Variants in MCTP2 observed in about 807,000 individuals in gnomAD.
MCTP2 encodes the protein multiple C2 and transmembrane domain containing 2.
Under a neutral mutation model 111.6 loss-of-function variants are expected in MCTP2, and 132 were observed. That is an observed-to-expected ratio of 1.18 (90% CI 1.03 to 1.37). MCTP2 has a LOEUF of 1.37. Among genes scored for constraint, MCTP2 ranks in the 40% most tolerant of loss-of-function variants. The pLI, the probability that MCTP2 is intolerant of heterozygous loss-of-function variation, is 0.00. For synonymous variants in MCTP2, 395 were observed against 387.7 expected (o/e 1.02, Z -0.22); for missense variants, 1,183 against 1,067.9 (o/e 1.11, Z -1.50).
chr15:94,473,759 C>G (rs2074115976), intron 21 of MCTP2, among the ~76,000 whole-genome samples: 1 of 152,178 alleles, frequency 6.6e-6, no homozygotes, highest in Non-Finnish European at 1.5e-5. Context: ...GGAAGACACT[C>G]AGAATTTGAT....
Position 94,309,395 on chromosome 15 carries a change from A to G in MCTP2, c.466-4887A>G, listed in dbSNP as rs62016060. ...TGGGGCAGTTTTTAAAGAGAATACT[A>G]TTGATTTGTTCAGCCAAATTTTTAC... On this transcript the variant is annotated intron_variant, in intron 2 of 22. Coordinates refer to ENST00000357742, the MANE Select transcript of MCTP2 (RefSeq NM_001385001.1). 4.1e-3 allele frequency among the ~76,000 whole-genome samples: 620 copies of G among 152,310 alleles called. 2 individuals are homozygous for G. Among genetic ancestry groups the G allele is most frequent in the Non-Finnish European group, 7.2e-3 (488 of 68,036 alleles).
At chr15:94,254,502 C>T (rs1033929900) in intron 1 of MCTP2, among the ~76,000 whole-genome samples, 1 of 152,166 alleles carries the variant, frequency 6.6e-6, no homozygotes, top group Non-Finnish European at 1.5e-5. Flanking sequence ...TTAGAAAACT[C>T]ATGGACAAGA....
At chr15:94,373,421 C>T (rs2079589417) in intron 12 of MCTP2, among the ~76,000 whole-genome samples, 1 of 151,954 alleles carries the variant, frequency 6.6e-6, no homozygotes, top group Non-Finnish European at 1.5e-5. Flanking sequence ...ATGAATAAGC[C>T]TAAATCTGTG....
rs187678068 is a variant in MCTP2, at chr15:94,253,704, A to G, written c.-66+22040A>G. Among the ~76,000 whole-genome samples, 191 of 151,756 alleles carry G rather than the reference A, an allele frequency of 1.3e-3. 1 individual carries two copies. Among genetic ancestry groups the G allele is most frequent in the African/African-American group, 4.1e-3 (168 of 41,378 alleles). On this transcript the variant is annotated intron_variant, in intron 1 of 22. Transcript: ENST00000357742. ...CTAATGCCTAGGGGAACTAAAGGAT[A>G]CTGTAATAGTCTCTCTCTTAAAGTC...
intron 1 of MCTP2, among the ~76,000 whole-genome samples, chr15:94,289,315 A>C (rs75952871): frequency 1.3e-5 from 2 of 152,348 alleles, no homozygotes; most frequent in South Asian, 2.1e-4. Flanking sequence ...GCCAGGAGAA[A>C]ATGGCACATC....
chr15:94,404,516 G>T (rs1447988328), intron 17 of MCTP2, among the ~76,000 whole-genome samples: 1 of 151,956 alleles, frequency 6.6e-6, no homozygotes, highest in Non-Finnish European at 1.5e-5. Context: ...TGGCCAGGCT[G>T]GTCTTGAACC....
At chr15:94,434,093 CT>C (rs145320801) in intron 17 of MCTP2, among the ~76,000 whole-genome samples, 55 of 149,188 alleles carry the variant, frequency 3.7e-4, no homozygotes, top group African/African-American at 1.1e-3. Flanking sequence ...TTGATGAAGT[CT>C]TTTTTTTTTA....
At chr15:94,234,250 A>G (rs2152204363) in intron 1 of MCTP2, among the ~76,000 whole-genome samples, 1 of 152,340 alleles carries the variant, frequency 6.6e-6, no homozygotes, top group South Asian at 2.1e-4. Flanking sequence ...CCTAAAAGGT[A>G]AACAATTTGG....
chr15:94,263,004 G>A (rs1178728020), intron 1 of MCTP2, among the ~76,000 whole-genome samples: 1 of 152,096 alleles, frequency 6.6e-6, no homozygotes, highest in Non-Finnish European at 1.5e-5. Flanking sequence ...ATATACTGCA[G>A]GAGTCATTAA....
rs1189234074 is a variant in MCTP2 at position 94,390,112 on chromosome 15, A to ATG, written c.1788+4589_1788+4590dup. On this transcript the variant is annotated intron_variant, in intron 14 of 22. Transcript: ENST00000357742. ...TATGTATATATATATATATATATAT[A>ATG]TGTATATATATATATATATACTTAG... 6.3e-5 allele frequency among the ~76,000 whole-genome samples: 2 copies of ATG among 31,604 alleles called. 1 individual carries two copies. Among genetic ancestry groups the ATG allele is most frequent in the Admixed American group, 6.3e-4 (2 of 3,178 alleles). The allele number at this position is 31,604 out of a possible 152,430, so 20.7% of individuals were successfully genotyped here. A position where few individuals can be genotyped will look rare whatever the true frequency, so the allele number is the denominator to read the frequency against.
rs534090018 is a variant in MCTP2 at position 94,365,336 on chromosome 15, T to G, written c.1302-2269T>G. 1.7e-4 allele frequency among the ~76,000 whole-genome samples: 26 copies of G among 152,350 alleles called. 1 individual carries two copies. In the South Asian group the frequency reaches 5.4e-3, roughly 32 times the overall value. On this transcript the variant is annotated intron_variant, in intron 10 of 22. Transcript: ENST00000357742. ...CTCTAATATCTAAACTACAAATGGC[T>G]ATTTTTCATGAAAGTGTTCATTCTA...
chr15:94,282,423 GA>G (rs2074534653), intron 1 of MCTP2, among the ~76,000 whole-genome samples: 2 of 152,118 alleles, frequency 1.3e-5, no homozygotes, highest in South Asian at 4.1e-4. Context: ...AAATGATTAT[GA>G]CATCTTTCAG....
chr15:94,333,411 CT>C (rs921987166), intron 4 of MCTP2, among the ~76,000 whole-genome samples: 6 of 151,596 alleles, frequency 4.0e-5, no homozygotes, highest in East Asian at 3.9e-4. Flanking sequence ...TTTTTAAAAA[CT>C]TTTTTTTAAA....
intron 1 of MCTP2, among the ~76,000 whole-genome samples, chr15:94,245,340 A>C (rs1376930894): frequency 5.8e-5 from 8 of 137,138 alleles, no homozygotes; most frequent in African/African-American, 2.1e-4. Flanking sequence ...ATATGTGTAG[A>C]TATTTACATA....
At chr15:94,416,498 G>C (rs1028179285) in intron 17 of MCTP2, among the ~76,000 whole-genome samples, 1 of 151,896 alleles carries the variant, frequency 6.6e-6, no homozygotes, top group Non-Finnish European at 1.5e-5. Flanking sequence ...ACTGTCCCTC[G>C]CACTTTCTCT....
chr15:94,408,568 C>T (rs2082009438), intron 17 of MCTP2, among the ~76,000 whole-genome samples: 1 of 152,142 alleles, frequency 6.6e-6, no homozygotes, highest in Non-Finnish European at 1.5e-5. Flanking sequence ...ATTTTTACAA[C>T]ATAATTGCAC....
intron 17 of MCTP2, among the ~76,000 whole-genome samples, chr15:94,417,398 A>G (rs1297532373): frequency 6.6e-6 from 1 of 152,178 alleles, no homozygotes; most frequent in Non-Finnish European, 1.5e-5. Flanking sequence ...CTTCATTTAC[A>G]GGATGCAACA....
intron 14 of MCTP2, among the ~76,000 whole-genome samples, chr15:94,390,049 C>CATATAT (rs1169783409): frequency 1.8e-5 from 2 of 109,662 alleles, no homozygotes; most frequent in African/African-American, 8.4e-5. Context: ...ATGTTCAAGG[C>CATATAT]ATATATATAT....
At chr15:94,330,032 C>T (rs1045257332) in intron 4 of MCTP2, among the ~76,000 whole-genome samples, 1 of 152,126 alleles carries the variant, frequency 6.6e-6, no homozygotes, top group South Asian at 2.1e-4. Flanking sequence ...TTTTAGATGC[C>T]ACATATGAAA....
Sources: allele counts gnomAD v4.1 joint callset (sites outside exome capture counted in the v4.1 genomes callset), GRCh38; gene constraint gnomAD v4.1.1; transcripts MANE v1.5; gene names NCBI Gene and HGNC (gene_info 2026-07-23, HGNC 2026-07-21).